PTPN2: variants seen among roughly 807,000 people sequenced by gnomAD.
PTPN2 encodes tyrosine-protein phosphatase non-receptor type 2.
PTPN2 carries 19 observed loss-of-function variants against 57.3 expected under a neutral mutation model. The ratio of observed to expected loss-of-function variants is 0.33; its 90% CI spans 0.23 to 0.49. PTPN2 has a LOEUF of 0.49. Among genes scored for constraint, PTPN2 ranks in the 20% least tolerant of loss-of-function variants. The pLI is 0.99. For synonymous variants in PTPN2, 153 were observed against 164.9 expected, an observed-to-expected ratio of 0.93 and a Z score of 0.55; for missense variants, 358 against 501.1, an observed-to-expected ratio of 0.71 and a Z score of 2.73.
At chr18:12,826,877 T>C (rs765149676) in intron 4 of PTPN2, among the ~76,000 whole-genome samples, 1 of 152,086 alleles carries the variant, frequency 6.6e-6, no homozygotes, top group Non-Finnish European at 1.5e-5. Context: ...TCTTATAAGG[T>C]ATTTTTTAAG....
intron 2 of PTPN2, among the ~76,000 whole-genome samples, chr18:12,845,886 G>A (rs2043188783): frequency 6.6e-6 from 1 of 151,988 alleles, no homozygotes; most frequent in Non-Finnish European, 1.5e-5. Flanking sequence ...TATAGCCATC[G>A]AAATTATAAA....
chr18:12,866,477 C>CA (rs1555678728), intron 1 of PTPN2, among the ~76,000 whole-genome samples: 1 of 131,108 alleles, frequency 7.6e-6, no homozygotes, highest in South Asian at 2.6e-4. Flanking sequence ...CAAAACAAAA[C>CA]AAAAAAACAG....
intron 6 of PTPN2, among the ~76,000 whole-genome samples, chr18:12,816,074 CAAG>C (rs1475558492): frequency 1.3e-5 from 2 of 152,152 alleles, no homozygotes; most frequent in Non-Finnish European, 2.9e-5. Context: ...CAGGCTGAGG[CAAG>C]AAGATCACTT....
chr18:12,825,802 G>C lies in PTPN2; in HGVS notation c.495+8C>G. The C allele has an allele frequency of 6.3e-7, 1 of 1,595,110 alleles. No homozygotes were observed. The highest frequency in any genetic ancestry group is 8.5e-7 in the Non-Finnish European group (1 of 1,171,870). On this transcript the variant is annotated splice_region_variant and intron_variant, in intron 5 of 8. Transcript: ENST00000309660. ...AAAGTCCACAATTTCGGGCAAGAAA[G>C]GTCTTACATTGATATTTTCTAATTG...
chr18:12,826,487 T>C (rs913164593), intron 4 of PTPN2, among the ~76,000 whole-genome samples: 1 of 152,182 alleles, frequency 6.6e-6, no homozygotes, highest in Non-Finnish European at 1.5e-5. Context: ...TTTTAGAACA[T>C]TTCTCTCAGA....
intron 7 of PTPN2, among the ~76,000 whole-genome samples, chr18:12,803,302 TAAAC>T (rs943167433): frequency 6.6e-6 from 1 of 150,506 alleles, no homozygotes; most frequent in African/African-American, 2.4e-5. Context: ...ACCACAAAGG[TAAAC>T]AATAAGAGAG....
chr18:12,851,564 G>A (rs2043397399), intron 2 of PTPN2, among the ~76,000 whole-genome samples: 1 of 151,866 alleles, frequency 6.6e-6, no homozygotes, highest in Non-Finnish European at 1.5e-5. Context: ...TTATTAAGAA[G>A]CCCATGAACA....
At chr18:12,831,521 T>C (rs1163420752) in intron 3 of PTPN2, among the ~76,000 whole-genome samples, 1 of 152,208 alleles carries the variant, frequency 6.6e-6, no homozygotes, top group Non-Finnish European at 1.5e-5. Context: ...TGACTGATCA[T>C]GTTCTAGCTG....
intron 1 of PTPN2, among the ~76,000 whole-genome samples, chr18:12,864,675 G>C (rs507304): frequency 0.82 from 124,866 of 151,834 alleles, 54,355 homozygotes; most frequent in Non-Finnish European, 0.96. Context: ...TGGGATTACA[G>C]GCATAAGCCA....
At chr18:12,847,853 C>T (rs558244332) in intron 2 of PTPN2, among the ~76,000 whole-genome samples, 70 of 151,096 alleles carry the variant, frequency 4.6e-4, no homozygotes, top group Non-Finnish European at 7.8e-4. Context: ...CCCACCTCTG[C>T]CTCCTAAAGT....
intron 1 of PTPN2, among the ~76,000 whole-genome samples, chr18:12,877,213 G>C (rs1054418293): frequency 6.6e-6 from 1 of 152,138 alleles, no homozygotes; most frequent in Non-Finnish European, 1.5e-5. Context: ...CCCGTAGGTA[G>C]GTGGTGGGAA....
intron 7 of PTPN2, among the ~76,000 whole-genome samples, chr18:12,810,861 G>A (rs183498578): frequency 1.3e-5 from 2 of 152,250 alleles, no homozygotes; most frequent in Admixed American, 1.3e-4. Flanking sequence ...CCATGTCCCC[G>A]AAAGAATACT....
chr18:12,874,018 C>T (rs1318682283), intron 1 of PTPN2, among the ~76,000 whole-genome samples: 1 of 151,634 alleles, frequency 6.6e-6, no homozygotes, highest in African/African-American at 2.4e-5. Context: ...CTGGCAACCG[C>T]CCCGTCTGAG....
intron 2 of PTPN2, among the ~76,000 whole-genome samples, chr18:12,852,596 G>A (rs1234264904): frequency 6.6e-6 from 1 of 152,154 alleles, no homozygotes; most frequent in Non-Finnish European, 1.5e-5. Context: ...GCTCACTGTA[G>A]TCTCAAATTC....
intron 5 of PTPN2, among the ~76,000 whole-genome samples, chr18:12,820,819 A>C (rs1048075614): frequency 6.6e-6 from 1 of 152,236 alleles, no homozygotes; most frequent in Non-Finnish European, 1.5e-5. Flanking sequence ...ATTCTGCACA[A>C]AATGTCAGTG....
intron 5 of PTPN2, among the ~76,000 whole-genome samples, chr18:12,817,634 C>T (rs756990635): frequency 3.0e-4 from 45 of 152,132 alleles, no homozygotes; most frequent in African/African-American, 1.0e-3. Flanking sequence ...ACTCAATCCA[C>T]ACAATAATCC....
chr18:12,831,474 T>C (rs769990654), intron 3 of PTPN2, among the ~76,000 whole-genome samples: 6 of 152,168 alleles, frequency 3.9e-5, no homozygotes, highest in African/African-American at 1.4e-4. Flanking sequence ...GTACAATCTA[T>C]AGGCAAATCA....
intron 8 of PTPN2, among the ~76,000 whole-genome samples, chr18:12,798,819 T>C (rs890592255): frequency 5.3e-5 from 8 of 152,238 alleles, no homozygotes; most frequent in African/African-American, 1.9e-4. Flanking sequence ...TTTAGGTCTT[T>C]GAGGAATCAC....
At chr18:12,864,677 C>G (rs2043932763) in intron 1 of PTPN2, among the ~76,000 whole-genome samples, 1 of 152,132 alleles carries the variant, frequency 6.6e-6, no homozygotes, top group African/African-American at 2.4e-5. Context: ...GGATTACAGG[C>G]ATAAGCCACC....
Sources: allele counts gnomAD v4.1 joint callset (sites outside exome capture counted in the v4.1 genomes callset), GRCh38; gene constraint gnomAD v4.1.1; transcripts MANE v1.5; gene names NCBI Gene and HGNC (gene_info 2026-07-23, HGNC 2026-07-21).